The following ATP2C2 variants were observed in gnomAD, a reference collection of about 807,000 sequenced individuals.
ATP2C2 encodes the protein calcium-transporting ATPase type 2C member 2.
Under a neutral mutation model 110.8 loss-of-function variants are expected in ATP2C2, and 171 were observed. The ratio of observed to expected loss-of-function variants is 1.54; its 90% confidence interval spans 1.36 to 1.75. The LOEUF (loss-of-function observed/expected upper bound fraction) is 1.75, where lower values mean the gene tolerates loss of function less well. ATP2C2 is among the 40% of genes most tolerant of loss of function. The pLI is 0.00. For missense variants in ATP2C2, 1,963 were observed against 1,235.0 expected (o/e 1.59, Z -8.84); for synonymous variants, 804 against 508.4 (o/e 1.58, Z -7.82).
chr16:84,405,699 C>T (rs911061110), intron 3 of ATP2C2, among the ~76,000 whole-genome samples: 4 of 150,698 alleles, frequency 2.7e-5, no homozygotes, highest in African/African-American at 1.0e-4. Flanking sequence ...GCGGGTGGAT[C>T]ACTTGAGCCC....
At chr16:84,459,950 G>T in intron 23 of ATP2C2, 1 of 267,000 alleles carries the variant, frequency 3.7e-6, no homozygotes, top group Non-Finnish European at 7.4e-6. Flanking sequence ...CTGGCCAAGT[G>T]GTGTGGGGGA....
At position 84,453,261 on chromosome 16, in the gene ATP2C2, A is replaced by G. The variant is rs2435172; in HGVS notation, c.1929+26A>G. The G allele has an allele frequency of 1, 1,613,376 of 1,614,110 alleles. 806,326 individuals carry two copies. Among genetic ancestry groups the G allele is most frequent in the East Asian group, 1 (44,870 of 44,870 alleles). ...GTGGGTCCCCGGAGGCTTGGCTGGCAGTGGGGCTGGGTCACAGCTTTGAAA... is the reference window on the plus strand; with the variant it reads ...GTGGGTCCCCGGAGGCTTGGCTGGCGGTGGGGCTGGGTCACAGCTTTGAAA... On this transcript the variant is annotated intron_variant, in intron 19 of 26. Coordinates refer to ENST00000262429, the MANE Select transcript of ATP2C2 (RefSeq NM_014861.4).
Position 84,440,154 on chromosome 16 carries a change from C to T in ATP2C2, c.1209+630C>T, listed in dbSNP as rs141707946. Among the ~76,000 whole-genome samples, 452 of 152,274 alleles carry T rather than the reference C, an allele frequency of 3.0e-3. 4 individuals are homozygous for T. Among genetic ancestry groups the T allele is most frequent in the Non-Finnish European group, 4.7e-3 (317 of 68,010 alleles). On this transcript the variant is annotated intron_variant, in intron 13 of 26. Coordinates refer to ENST00000262429, the MANE Select transcript of ATP2C2 (RefSeq NM_014861.4). ...CGCCCAGCCTGTTTTATTTTTTAAG[C>T]CAGGGTCTTGCTGTGTCGCCCAGGT...
chr16:84,404,683 C>T, intron 2 of ATP2C2: 1 of 336,622 alleles, frequency 3.0e-6, no homozygotes, highest in East Asian at 7.8e-5. Flanking sequence ...CTTGGAGCCC[C>T]ACTAGCAGTT....
At chr16:84,434,972 A>G (rs1908610142) in intron 11 of ATP2C2, among the ~76,000 whole-genome samples, 1 of 152,230 alleles carries the variant, frequency 6.6e-6, no homozygotes, top group Non-Finnish European at 1.5e-5. Flanking sequence ...CCTGTGCCAT[A>G]AAACCAACGA....
chr16:84,452,200 C>A, intron 18 of ATP2C2, 109 bp downstream of exon 18: 1 of 1,343,272 alleles, frequency 7.4e-7, no homozygotes, highest in Non-Finnish European at 1.0e-6. Flanking sequence ...AGTGCTCACG[C>A]CTAGCCCTAC....
At chr16:84,427,823 G>C (rs1907932567) in intron 11 of ATP2C2, among the ~76,000 whole-genome samples, 1 of 152,166 alleles carries the variant, frequency 6.6e-6, no homozygotes, top group South Asian at 2.1e-4. Context: ...TAACAGTTAT[G>C]GGGTTTCCTT....
At chr16:84,455,037 G>T (rs1234608907) in intron 21 of ATP2C2, 53 bp downstream of exon 21, 1 of 1,561,718 alleles carries the variant, frequency 6.4e-7, no homozygotes, top group Non-Finnish European at 8.7e-7. Flanking sequence ...GGGGTCACCA[G>T]CTTCTCCCTG....
chr16:84,439,407 A>T lies in ATP2C2; in HGVS notation c.1112-20A>T. Reference sequence around the variant, plus strand: ...GAGGATGGCAACTTCTCTTCTATAAACTGGTGTTTGTTGTACCAGGTTGCT... The same window carrying T: ...GAGGATGGCAACTTCTCTTCTATAATCTGGTGTTTGTTGTACCAGGTTGCT... On this transcript the variant is annotated intron_variant, in intron 12 of 26. Coordinates refer to ENST00000262429, the MANE Select transcript of ATP2C2 (RefSeq NM_014861.4). 1 of 1,613,734 alleles carries T rather than the reference A, an allele frequency of 6.2e-7. No individual in the cohort carries two copies. Among genetic ancestry groups the T allele is most frequent in the Non-Finnish European group, 8.5e-7 (1 of 1,179,752 alleles).
chr16:84,454,877 G>A lies in ATP2C2; in HGVS notation c.2040G>A (p.Val680=). The change falls in exon 21 of 27, where the codon GTG becomes GTA. Residue 680 remains valine (V), a synonymous_variant. Transcript: ENST00000262429. ...CTGGGGATGGGGTGAACGACGCAGT[G>A]GCCCTGAAGTCTGCAGACATTGGGA... ...AMTGDGVNDA[V]ALKSADIGIA... 3 of 1,613,928 alleles carry A rather than the reference G, an allele frequency of 1.9e-6. No individual in the cohort carries two copies. Among genetic ancestry groups the A allele is most frequent in the Non-Finnish European group, 2.5e-6 (3 of 1,179,914 alleles).
rs59552270 is a variant in ATP2C2 at position 84,419,208 on chromosome 16, TAAAAAAAAAAAAA to T, written c.625-3164_625-3152del. Among the ~76,000 whole-genome samples the T allele has an allele frequency of 4.6e-4, 22 of 47,494 alleles. No individual in the cohort carries two copies. The South Asian group carries it at 0.013, about 28-fold the overall frequency. 31.2% of individuals were successfully genotyped at this position (47,494 alleles called of 152,430 possible). Reference sequence around the variant, plus strand: ...GGGTGACAGAGTGAGACCCCATCTTTAAAAAAAAAAAAAAAAAAAAAAAAAAAAAAGTGCTACT... The same window carrying T: ...GGGTGACAGAGTGAGACCCCATCTTTAAAAAAAAAAAAAAAAAGTGCTACT... On this transcript the variant is annotated intron_variant, in intron 7 of 26. Coordinates refer to ENST00000262429, the MANE Select transcript of ATP2C2 (RefSeq NM_014861.4).
intron 6 of ATP2C2, among the ~76,000 whole-genome samples, chr16:84,413,210 G>A (rs541723703): frequency 1.3e-5 from 2 of 151,928 alleles, no homozygotes; most frequent in Non-Finnish European, 2.9e-5. Flanking sequence ...CGGCAACTCC[G>A]TATTTTCTGA....
intron 17 of ATP2C2, among the ~76,000 whole-genome samples, chr16:84,449,551 C>G (rs544496118): frequency 8.5e-5 from 13 of 152,256 alleles, no homozygotes; most frequent in Non-Finnish European, 1.6e-4. Context: ...TTGGAAGAGA[C>G]GGTGAATCCC....
At chr16:84,425,657 G>C in intron 10 of ATP2C2, 78 bp from the exon 11 acceptor site, 2 of 1,494,048 alleles carry the variant, frequency 1.3e-6, no homozygotes, top group South Asian at 1.1e-5. Context: ...AACTCTTTAA[G>C]GAAGTGAGTT....
At chr16:84,379,905 C>T (rs1401959793) in intron 1 of ATP2C2, among the ~76,000 whole-genome samples, 1 of 152,078 alleles carries the variant, frequency 6.6e-6, no homozygotes, top group Non-Finnish European at 1.5e-5. Flanking sequence ...GTAGGTATGG[C>T]CTGGGTGTGG....
In ATP2C2 at chr16:84,460,796, AAGG is replaced by A; in HGVS notation, c.2480_2481+1del. On this transcript the variant is annotated inframe_deletion and splice_region_variant, in exon 24 of 27. Coordinates refer to ENST00000262429, the MANE Select transcript of ATP2C2 (RefSeq NM_014861.4). Reference sequence around the variant, plus strand: ...CAGCGGGACCCTCTTTATCTTCTGGAAGGAGGTGAGCGAGGGTCACCCCGGCCT... The same window carrying A: ...CAGCGGGACCCTCTTTATCTTCTGGAAGGTGAGCGAGGGTCACCCCGGCCT... The A allele has an allele frequency of 1.9e-6, 3 of 1,612,004 alleles. No homozygotes were observed. The highest frequency in any genetic ancestry group is 2.2e-5 in the East Asian group (1 of 44,784).
chr16:84,460,227 G>A (rs761642664), intron 23 of ATP2C2: 9 of 225,278 alleles, frequency 4.0e-5, no homozygotes, highest in Admixed American at 1.1e-4. Flanking sequence ...CCACCATACC[G>A]CCTGCTGCGG....
At chr16:84,417,938 G>T (rs925025649) in intron 7 of ATP2C2, among the ~76,000 whole-genome samples, 16 of 152,198 alleles carry the variant, frequency 1.1e-4, no homozygotes, top group African/African-American at 3.6e-4. Flanking sequence ...GGTCTAGCAG[G>T]TTCAGCAGGA....
At chr16:84,380,780 G>A (rs1597731854) in intron 1 of ATP2C2, among the ~76,000 whole-genome samples, 1 of 152,092 alleles carries the variant, frequency 6.6e-6, no homozygotes, top group South Asian at 2.1e-4. Flanking sequence ...TACATCGGGG[G>A]GTCTGTTGTG....
Sources: gnomAD v4.1 joint callset for allele counts (sites outside exome capture counted in the v4.1 genomes callset) on GRCh38, gnomAD v4.1.1 for gene constraint, MANE v1.5 for transcripts, NCBI Gene and HGNC (gene_info 2026-07-23, HGNC 2026-07-21) for gene names.